BUB1B: variants seen among roughly 807,000 people sequenced by gnomAD.
The protein encoded by BUB1B is mitotic checkpoint serine/threonine-protein kinase BUB1 beta.
In BUB1B, 86 loss-of-function variants were observed where a neutral mutation model predicts 137.7. The ratio of observed to expected loss-of-function variants is 0.62; its 90% CI spans 0.52 to 0.75. BUB1B has a LOEUF of 0.75. Among genes scored for constraint, BUB1B ranks in the 30% least tolerant of loss-of-function variants. BUB1B has a pLI of 0.00. For synonymous variants in BUB1B, 420 were observed against 417.9 expected (o/e 1.00, Z -0.06); for missense variants, 1,130 against 1,236.9 (o/e 0.91, Z 1.30).
chr15:40,217,329 A>G, intron 20 of BUB1B, 167 bp from the exon 21 acceptor site: 2 of 680,816 alleles, frequency 2.9e-6, no homozygotes, highest in African/African-American at 1.8e-5. Context: ...CATTGGGTGG[A>G]CACTGCCACT....
chr15:40,215,333 A>G (rs2037762482), intron 20 of BUB1B, among the ~76,000 whole-genome samples: 3 of 151,904 alleles, frequency 2.0e-5, no homozygotes, highest in Admixed American at 2.0e-4. Context: ...TTAGCCAGGT[A>G]TGGTGGTGCA....
At chr15:40,208,611 A>G in intron 15 of BUB1B, 26 bp from the exon 16 acceptor site, 2 of 1,590,526 alleles carry the variant, frequency 1.3e-6, no homozygotes, top group South Asian at 1.1e-5. Context: ...TTCCTATAAG[A>G]ATTAACTTAT....
chr15:40,209,550 TTTTTC>T, intron 16 of BUB1B, 80 bp from the exon 17 acceptor site: 1 of 1,524,706 alleles, frequency 6.6e-7, no homozygotes, highest in Non-Finnish European at 9.1e-7. Flanking sequence ...CTTGATTTTT[TTTTTC>T]TTCTACTCTG....
Position 40,218,509 on chromosome 15 carries a change from C to A in BUB1B, c.2904C>A (p.His968Gln), listed in dbSNP as rs1284860869. 1.2e-6 allele frequency: 2 copies of A among 1,614,116 alleles called. No homozygotes were observed. The highest frequency in any genetic ancestry group is 1.7e-6 in the Non-Finnish European group (2 of 1,179,998). The part of the protein sequence containing the change: ...DLAHLLLFKE[H>Q]LQVFWDGSFW... ...CACATTTACTATTGTTCAAGGAACA[C>A]CTACAGGTCTTCTGGGATGGGTCCT... is the stretch of plus-strand genomic sequence containing the variant. Residue 968 changes from histidine (H) to glutamine (Q), a missense_variant, in exon 22 of 23, where the codon CAC (histidine) becomes CAA (glutamine). Coordinates refer to ENST00000287598, the MANE Select transcript of BUB1B (RefSeq NM_001211.6).
rs148957803 is a variant in BUB1B at position 40,183,607 on chromosome 15, C to T, written c.582-107C>T. On this transcript the variant is annotated intron_variant, in intron 5 of 22. Coordinates refer to ENST00000287598, the MANE Select transcript of BUB1B (RefSeq NM_001211.6). The stretch of plus-strand genomic sequence containing the variant: ...ATGTTCTTTGGGATATTTCTGCATT[C>T]TTCCCCCAGCCTGCTCTTCTAATTT... 50 of 975,762 alleles carry T rather than the reference C, an allele frequency of 5.1e-5. No individual in the cohort carries two copies. In the African/African-American group the frequency reaches 6.0e-4, roughly 12 times the overall value. 60.4% of individuals were successfully genotyped at this position (975,762 alleles called of 1,614,324 possible).
At position 40,206,442 on chromosome 15, in the gene BUB1B, A is replaced by G; in HGVS notation, c.1993A>G (p.Ser665Gly). The change falls in exon 15 of 23, where the codon AGC (serine) becomes GGC (glycine). Residue 665 changes from serine (S) to glycine (G), a missense_variant. Transcript: ENST00000287598. ...TGGCACTATCTACAGTCAGACTCTC[A>G]GCATCAAGAAGCTGAGGTGATTGGG... is the stretch of plus-strand genomic sequence containing the variant. ...ACGTIYSQTL[S>G]IKKLSPIIED... 6.2e-7 allele frequency: 1 copy of G among 1,614,218 alleles called. No homozygotes were observed. Among genetic ancestry groups the G allele is most frequent in the Non-Finnish European group, 8.5e-7 (1 of 1,180,036 alleles).
intron 8 of BUB1B, among the ~76,000 whole-genome samples, chr15:40,187,292 A>G (rs2037379139): frequency 6.6e-6 from 1 of 151,796 alleles, no homozygotes; most frequent in South Asian, 2.1e-4. Context: ...CGCCTGGCTA[A>G]TTTTTTCTAT....
intron 5 of BUB1B, among the ~76,000 whole-genome samples, chr15:40,181,189 T>G (rs2037288452): frequency 6.6e-6 from 1 of 151,830 alleles, no homozygotes; most frequent in Non-Finnish European, 1.5e-5. Flanking sequence ...CCTCCCGGGT[T>G]CAAGTGATCC....
At chr15:40,206,499 C>T (rs1247363683) in intron 15 of BUB1B, 41 bp downstream of exon 15, 4 of 1,611,396 alleles carry the variant, frequency 2.5e-6, no homozygotes, top group South Asian at 1.1e-5. Flanking sequence ...AGATTGTTTA[C>T]TCTCTTATTC....
At position 40,220,826 on chromosome 15, in the gene BUB1B, G is replaced by A; in HGVS notation, c.*67G>A. On this transcript the variant is annotated 3_prime_UTR_variant, in exon 23 of 23. Transcript: ENST00000287598. ...GGTTGTATTGTGGAACACTGAAACT[G>A]TATGTGCTGTAATTTAATTTAGGAC... 5 of 1,492,500 alleles carry A rather than the reference G, an allele frequency of 3.4e-6. No homozygotes were observed. In the South Asian group the frequency reaches 3.4e-5, roughly 10 times the overall value. 92.5% of individuals were successfully genotyped at this position (1,492,500 alleles called of 1,614,324 possible).
In BUB1B at chr15:40,174,089, A is replaced by G. The variant is rs138251726; in HGVS notation, c.385-2388A>G. On this transcript the variant is annotated intron_variant, in intron 4 of 22. Transcript: ENST00000287598. ...GTCCTTTTATTTATGTTATTTCTTA[A>G]GTGATCTTATTCAGCACTCTGAATA... The G allele has an allele frequency of 2.0e-3, 644 of 327,976 alleles. 13 individuals carry two copies. The Admixed American group carries it at 0.023, about 12-fold the overall frequency. The allele number at this position is 327,976 out of a possible 1,614,324, so 20.3% of individuals were successfully genotyped here.
Position 40,208,845 on chromosome 15 carries a change from CTT to C in BUB1B, c.2143+81_2143+82del, listed in dbSNP as rs1566827300. Reference sequence around the variant, plus strand: ...TCAGCAAACTGAGCTGTATGTTTTTCTTTTTTTGAGACAGGGTCTCACTCTGT... The same window carrying C: ...TCAGCAAACTGAGCTGTATGTTTTTCTTTTTGAGACAGGGTCTCACTCTGT... On this transcript the variant is annotated intron_variant, in intron 16 of 22. Transcript: ENST00000287598. The C allele has an allele frequency of 2.0e-6, 3 of 1,491,472 alleles. No homozygotes were observed. In the African/African-American group the frequency reaches 4.1e-5, roughly 21 times the overall value. 92.4% of individuals were successfully genotyped at this position (1,491,472 alleles called of 1,614,324 possible). A position where few individuals can be genotyped will look rare whatever the true frequency, so the allele number is the denominator to read the frequency against.
At chr15:40,219,444 G>A (rs1228641921) in intron 22 of BUB1B, among the ~76,000 whole-genome samples, 1 of 151,938 alleles carries the variant, frequency 6.6e-6, no homozygotes, top group South Asian at 2.1e-4. Context: ...TAAGTCAGCC[G>A]GGCATGGTGG....
chr15:40,165,336 C>G, intron 2 of BUB1B, 140 bp downstream of exon 2: 1 of 1,088,954 alleles, frequency 9.2e-7, no homozygotes, highest in South Asian at 1.3e-5. Context: ...TACCTGCTTT[C>G]GTATCACATG....
intron 12 of BUB1B, among the ~76,000 whole-genome samples, 160 bp downstream of exon 12, chr15:40,201,140 T>C (rs559696025): frequency 9.5e-4 from 144 of 152,280 alleles, no homozygotes; most frequent in African/African-American, 3.3e-3. Flanking sequence ...GGAAAGACAT[T>C]TGAAAGAGTA....
rs2037812068 is a variant in BUB1B, at chr15:40,217,511, T to C, written c.2694T>C (p.Tyr898=). ...LILRNRIHDP[Y]DCNKNNQALK... ...CTGGGCTCAGAATCCACGATCCCTA[T>C]GATTGTAACAAGAACAATCAAGCTT... The change falls in exon 21 of 23, where the codon TAT becomes TAC. Residue 898 remains tyrosine, a synonymous_variant. Coordinates refer to ENST00000287598, the MANE Select transcript of BUB1B (RefSeq NM_001211.6). 1 of 1,614,058 alleles carries C rather than the reference T, an allele frequency of 6.2e-7. No homozygotes were observed. Among genetic ancestry groups the C allele is most frequent in the Non-Finnish European group, 8.5e-7 (1 of 1,180,016 alleles).
intron 6 of BUB1B, 141 bp downstream of exon 6, chr15:40,184,024 C>A: frequency 1.2e-6 from 1 of 866,848 alleles, no homozygotes; most frequent in Non-Finnish European, 1.8e-6. Flanking sequence ...CAAAGGAGAG[C>A]TAATATTACA....
At position 40,217,522 on chromosome 15, in the gene BUB1B, A is replaced by G; in HGVS notation, c.2705A>G (p.Lys902Arg). ...ATCCACGATCCCTATGATTGTAACA[A>G]GAACAATCAAGCTTTGAAGATAGTG... ...NRIHDPYDCNKNNQALKIVDF... is the reference protein window; with the variant it reads ...NRIHDPYDCNRNNQALKIVDF... The change falls in exon 21 of 23, where the codon AAG becomes AGG. Residue 902 changes from lysine to arginine, a missense_variant. Coordinates refer to ENST00000287598, the MANE Select transcript of BUB1B (RefSeq NM_001211.6). 6.2e-7 allele frequency: 1 copy of G among 1,614,150 alleles called. No individual in the cohort carries two copies. Among genetic ancestry groups the G allele is most frequent in the Non-Finnish European group, 8.5e-7 (1 of 1,180,016 alleles).
intron 15 of BUB1B, among the ~76,000 whole-genome samples, chr15:40,207,882 A>T (rs1045756522): frequency 4.5e-4 from 8 of 17,650 alleles, no homozygotes; most frequent in South Asian, 1.0e-3. Flanking sequence ...AATAAAAATA[A>T]AAAAAAAAAA....
Sources: allele counts gnomAD v4.1 joint callset (sites outside exome capture counted in the v4.1 genomes callset), GRCh38; gene constraint gnomAD v4.1.1; transcripts MANE v1.5; gene names NCBI Gene and HGNC (gene_info 2026-07-23, HGNC 2026-07-21).